Variants in AAR2 observed in about 807,000 individuals in gnomAD.
The protein encoded by AAR2 is protein AAR2 homolog.
Under a neutral mutation model 26.9 loss-of-function variants are expected in AAR2, and 31 were observed. That is an observed-to-expected ratio of 1.15 (90% CI 0.86 to 1.55). The LOEUF is 1.55. Among genes scored for constraint, AAR2 ranks in the 40% most tolerant of loss-of-function variants. AAR2 has a pLI of 0.00. For synonymous variants in AAR2, 188 were observed against 196.1 expected, an observed-to-expected ratio of 0.96 and a Z score of 0.34; for missense variants, 430 against 491.3, an observed-to-expected ratio of 0.88 and a Z score of 1.18.
At chr20:36,244,070 C>A (rs756778211) in intron 2 of AAR2, among the ~76,000 whole-genome samples, 15 of 152,230 alleles carry the variant, frequency 9.9e-5, no homozygotes, top group Admixed American at 7.2e-4. Context: ...CTTTCCGTTG[C>A]CCACATTGTG....
intron 3 of AAR2, among the ~76,000 whole-genome samples, chr20:36,254,724 GATCTTATGTAC>G (rs1280571422): frequency 3.9e-5 from 6 of 152,170 alleles, no homozygotes; most frequent in Non-Finnish European, 8.8e-5. Context: ...TGAAATGGTA[GATCTTATGTAC>G]AGATGCTCCT....
intron 3 of AAR2, among the ~76,000 whole-genome samples, chr20:36,254,125 A>G (rs2064801432): frequency 6.6e-6 from 1 of 152,224 alleles, no homozygotes; most frequent in Non-Finnish European, 1.5e-5. Context: ...AGAGACCCTA[A>G]GAGATATGTG....
intron 1 of AAR2, among the ~76,000 whole-genome samples, chr20:36,237,880 T>A (rs1047235162): frequency 2.0e-5 from 3 of 151,462 alleles, no homozygotes; most frequent in African/African-American, 7.3e-5. Context: ...CCTCCCAGGT[T>A]CAAGCAATTC....
Position 36,239,878 on chromosome 20 carries a change from G to A in AAR2, c.10G>A (p.Val4Met), listed in dbSNP as rs565234880. The A allele has an allele frequency of 1.0e-5, 16 of 1,589,984 alleles. No homozygotes were observed. Among genetic ancestry groups the A allele is most frequent in the Admixed American group, 3.4e-5 (2 of 58,796 alleles). Reference sequence around the variant, plus strand: ...ACCCACCACTGGCCCCATGGCTGCCGTGCAGATGGATCCTGAGCTAGCCAA... The same window carrying A: ...ACCCACCACTGGCCCCATGGCTGCCATGCAGATGGATCCTGAGCTAGCCAA... MAA[V>M]QMDPELAKRL... The change falls in exon 2 of 4, where the codon GTG (valine) becomes ATG (methionine). Residue 4 changes from valine to methionine, a missense_variant. Physicochemically the swap from Val to Met is conservative, Grantham distance 21. Transcript: ENST00000320849.
At chr20:36,237,566 AT>A (rs1232051009) in intron 1 of AAR2, among the ~76,000 whole-genome samples, 3 of 152,084 alleles carry the variant, frequency 2.0e-5, no homozygotes, top group Non-Finnish European at 4.4e-5. Context: ...TGCTGGAGAT[AT>A]AGTGAATAGA....
chr20:36,238,742 C>T (rs1009943870), intron 1 of AAR2, among the ~76,000 whole-genome samples: 6 of 142,336 alleles, frequency 4.2e-5, no homozygotes, highest in African/African-American at 1.3e-4. Flanking sequence ...GGTGACAGAG[C>T]GAGACCCTGT....
intron 3 of AAR2, among the ~76,000 whole-genome samples, chr20:36,248,227 G>T (rs1428403131): frequency 6.6e-6 from 1 of 152,132 alleles, no homozygotes; most frequent in Non-Finnish European, 1.5e-5. Context: ...TATATTGCAT[G>T]AGATGTGCTT....
intron 3 of AAR2, among the ~76,000 whole-genome samples, chr20:36,251,230 A>G (rs546732103): frequency 6.6e-6 from 1 of 151,924 alleles, no homozygotes; most frequent in Non-Finnish European, 1.5e-5. Flanking sequence ...TATTCGTGGC[A>G]TGTACCTGTA....
In AAR2 at chr20:36,250,466, C is replaced by T. The variant is rs184148943; in HGVS notation, c.988-5112C>T. Among the ~76,000 whole-genome samples, 27 of 152,188 alleles carry T rather than the reference C, an allele frequency of 1.8e-4. No homozygotes were observed. In the East Asian group the frequency reaches 3.5e-3, roughly 20 times the overall value. On this transcript the variant is annotated intron_variant, in intron 3 of 3. Coordinates refer to ENST00000320849, the MANE Select transcript of AAR2 (RefSeq NM_001271874.2). ...CCACTGTTAAGTTTCCTGAAGAAGGCGTAAAATTAATCTGAAAATAAAAGA... is the reference window on the plus strand; with the variant it reads ...CCACTGTTAAGTTTCCTGAAGAAGGTGTAAAATTAATCTGAAAATAAAAGA...
intron 2 of AAR2, among the ~76,000 whole-genome samples, chr20:36,242,200 T>A (rs1300242048): frequency 6.9e-6 from 1 of 144,554 alleles, no homozygotes; most frequent in Non-Finnish European, 1.5e-5. Flanking sequence ...CAGGGTGGAG[T>A]ACAGTCAGTC....
chr20:36,244,325 T>C (rs2064712602), intron 2 of AAR2, among the ~76,000 whole-genome samples: 1 of 152,212 alleles, frequency 6.6e-6, no homozygotes. Flanking sequence ...GTAGCTTTAC[T>C]TTTAACAGAC....
chr20:36,244,920 C>T lies in AAR2; in HGVS notation c.981C>T (p.Thr327=). The change falls in exon 3 of 4, where the codon ACC becomes ACT. Residue 327 remains threonine (T), a synonymous_variant. Transcript: ENST00000320849. ...CCCAAGACAACTTCCTCACCAGCAC[C>T]TTACAGGTGAGCAGTCTTTCTGACT... ...IVSQDNFLTS[T]LQVFFSSACS... 6.2e-7 allele frequency: 1 copy of T among 1,612,386 alleles called. No homozygotes were observed. Among genetic ancestry groups the T allele is most frequent in the Non-Finnish European group, 8.5e-7 (1 of 1,178,416 alleles).
At chr20:36,255,340 A>G (rs1426794013) in intron 3 of AAR2, among the ~76,000 whole-genome samples, 1 of 152,158 alleles carries the variant, frequency 6.6e-6, no homozygotes, top group African/African-American at 2.4e-5. Flanking sequence ...AGCCAGGGTA[A>G]TGGCCCCCAG....
At chr20:36,239,125 A>G (rs1288571908) in intron 1 of AAR2, among the ~76,000 whole-genome samples, 3 of 152,196 alleles carry the variant, frequency 2.0e-5, no homozygotes, top group Non-Finnish European at 4.4e-5. Flanking sequence ...TACCACCTGA[A>G]TTCATTCTGG....
At chr20:36,243,169 A>G (rs1256317532) in intron 2 of AAR2, among the ~76,000 whole-genome samples, 3 of 152,174 alleles carry the variant, frequency 2.0e-5, no homozygotes, top group African/African-American at 7.2e-5. Context: ...TTGAATCTAC[A>G]TCACACCTCT....
chr20:36,240,812 C>T lies in AAR2; in HGVS notation c.757+187C>T, dbSNP rs1007825015. Reference sequence around the variant, plus strand: ...TTTGAGAGATCTGGAGTGGGGCTTCCGCAGTTTCTATCTGTCTAATAAACA... The same window carrying T: ...TTTGAGAGATCTGGAGTGGGGCTTCTGCAGTTTCTATCTGTCTAATAAACA... On this transcript the variant is annotated intron_variant, in intron 2 of 3. Transcript: ENST00000320849. Among the ~76,000 whole-genome samples the T allele has an allele frequency of 3.9e-5, 6 of 152,258 alleles. No homozygotes were observed. The East Asian group carries it at 5.8e-4, about 15-fold the overall frequency.
intron 3 of AAR2, among the ~76,000 whole-genome samples, chr20:36,253,923 T>C (rs2075707462): frequency 1.3e-5 from 2 of 152,188 alleles, no homozygotes; most frequent in South Asian, 4.1e-4. Context: ...ATGGCATGAT[T>C]TAAACACACA....
intron 3 of AAR2, among the ~76,000 whole-genome samples, chr20:36,248,799 G>A (rs2064758980): frequency 6.6e-6 from 1 of 152,144 alleles, no homozygotes; most frequent in South Asian, 2.1e-4. Flanking sequence ...TTATGCAAGG[G>A]TGGAAGGTGG....
At chr20:36,255,486 AG>A (rs1477167641) in intron 3 of AAR2, 91 bp from the exon 4 acceptor site, 5 of 1,456,720 alleles carry the variant, frequency 3.4e-6, no homozygotes, top group Non-Finnish European at 4.7e-6. Context: ...TACCCGCCCC[AG>A]AAGAGCCGAA....
Sources: gnomAD v4.1 joint callset for allele counts (sites outside exome capture counted in the v4.1 genomes callset) on GRCh38, gnomAD v4.1.1 for gene constraint, MANE v1.5 for transcripts, NCBI Gene and HGNC (gene_info 2026-07-23, HGNC 2026-07-21) for gene names.